Variants in ACAD10 observed in about 807,000 individuals in gnomAD.
ACAD10 encodes acyl-CoA dehydrogenase family member 10.
A neutral mutation model predicts 116.8 loss-of-function variants in ACAD10; 112 were observed. That is an observed-to-expected ratio of 0.96 (90% CI 0.82 to 1.12). The LOEUF (loss-of-function observed/expected upper bound fraction) is 1.12. ACAD10 is among the 50% of genes most tolerant of loss of function. The probability of loss-of-function intolerance (pLI) is 0.00; values close to 1 mark genes in which losing one functional copy is unlikely to be tolerated. For synonymous variants in ACAD10, 486 were observed against 510.6 expected, an observed-to-expected ratio of 0.95 and a Z score of 0.65; for missense variants, 1,259 against 1,350.2, an observed-to-expected ratio of 0.93 and a Z score of 1.06.
rs755470714 is a variant in ACAD10 at position 111,744,836 on chromosome 12, T to C, written c.1908T>C (p.Tyr636=). ...GGTGCCCCACAGGCAGCAGGAGTTA[T>C]AGCTCCGTTCCAGAAGCTTCCCCAG... ...SQWCPTGSRS[Y]SSVPEASPAH... The change falls in exon 13 of 21, where the codon TAT becomes TAC. Residue 636 remains tyrosine, a synonymous_variant. Transcript: ENST00000313698. The C allele has an allele frequency of 5.0e-6, 8 of 1,614,120 alleles. No homozygotes were observed. Among genetic ancestry groups the C allele is most frequent in the African/African-American group, 1.3e-5 (1 of 74,952 alleles).
In ACAD10 at chr12:111,744,893, T is replaced by C; in HGVS notation, c.1965T>C (p.Ser655=). The change falls in exon 13 of 21, where the codon TCT becomes TCC. Residue 655 remains serine (S), a synonymous_variant. Coordinates refer to ENST00000313698, the MANE Select transcript of ACAD10 (RefSeq NM_025247.6). ...CCTCAAGGGGAGGTCTGGTTATCTCTCCAGAGAGCCTCTCTCCACCTGTCA... is the reference window on the plus strand; with the variant it reads ...CCTCAAGGGGAGGTCTGGTTATCTCCCCAGAGAGCCTCTCTCCACCTGTCA... ...AHTSRGGLVI[S]PESLSPPVRE... 1.2e-6 allele frequency: 2 copies of C among 1,614,034 alleles called. No homozygotes were observed. Among genetic ancestry groups the C allele is most frequent in the South Asian group, 2.2e-5 (2 of 91,080 alleles).
chr12:111,697,475 C>T (rs1185995036), intron 2 of ACAD10, among the ~76,000 whole-genome samples: 1 of 150,950 alleles, frequency 6.6e-6, no homozygotes, highest in Non-Finnish European at 1.5e-5. Context: ...ATTCTCGTGC[C>T]TCAGCCTCCC....
chr12:111,705,404 A>T lies in ACAD10; in HGVS notation c.337-334A>T, dbSNP rs545375965. Among the ~76,000 whole-genome samples the T allele has an allele frequency of 1.3e-4, 19 of 151,870 alleles. No individual in the cohort carries two copies. In the South Asian group the frequency reaches 1.7e-3, roughly 13 times the overall value. On this transcript the variant is annotated intron_variant, in intron 3 of 20. Transcript: ENST00000313698. Reference sequence around the variant, plus strand: ...CCAAGCCTAGCTAAGTTAAAAAAAAATTTTTTTTAGATCTCACTTTGTTGC... The same window carrying T: ...CCAAGCCTAGCTAAGTTAAAAAAAATTTTTTTTTAGATCTCACTTTGTTGC...
intron 20 of ACAD10, 69 bp from the exon 21 acceptor site, chr12:111,756,264 T>A (rs1415192082): frequency 4.0e-6 from 6 of 1,502,656 alleles, no homozygotes; most frequent in Middle Eastern, 2.3e-4. Flanking sequence ...AAGAGCAGGC[T>A]ATCATTCCTG....
intron 12 of ACAD10, among the ~76,000 whole-genome samples, chr12:111,738,257 C>T (rs1211889893): frequency 6.6e-6 from 1 of 152,002 alleles, no homozygotes; most frequent in Admixed American, 6.6e-5. Flanking sequence ...TCCAGCCTAC[C>T]CAACATGGTG....
At chr12:111,745,924 C>T (rs1253984497) in intron 13 of ACAD10, among the ~76,000 whole-genome samples, 1 of 143,274 alleles carries the variant, frequency 7.0e-6, no homozygotes, top group Non-Finnish European at 1.5e-5. Flanking sequence ...TCACTGCAGT[C>T]TCAACCTCCT....
intron 10 of ACAD10, among the ~76,000 whole-genome samples, chr12:111,732,147 C>T (rs1297094914): frequency 1.3e-5 from 2 of 152,116 alleles, no homozygotes; most frequent in African/African-American, 4.8e-5. Flanking sequence ...TACAACCCAT[C>T]GTTTCTTGTA....
chr12:111,698,259 A>G (rs757571437), intron 2 of ACAD10, among the ~76,000 whole-genome samples: 8 of 149,334 alleles, frequency 5.4e-5, no homozygotes, highest in Admixed American at 5.3e-4. Context: ...CAGGGTTCCA[A>G]AGTGCTGGGA....
intron 12 of ACAD10, among the ~76,000 whole-genome samples, chr12:111,738,048 G>A (rs2135982471): frequency 6.6e-6 from 1 of 151,858 alleles, no homozygotes; most frequent in South Asian, 2.1e-4. Flanking sequence ...GTAGAGATGG[G>A]GTTTTGCCAT....
chr12:111,696,126 A>G (rs907707479), intron 2 of ACAD10, among the ~76,000 whole-genome samples: 5 of 151,844 alleles, frequency 3.3e-5, no homozygotes, highest in African/African-American at 9.7e-5. Context: ...CAGTGGTACA[A>G]TCATGGCTCA....
At chr12:111,702,908 A>T (rs930433238) in intron 3 of ACAD10, among the ~76,000 whole-genome samples, 1 of 151,918 alleles carries the variant, frequency 6.6e-6, no homozygotes, top group African/African-American at 2.4e-5. Context: ...AGCTTAGGCA[A>T]CATAGCCAGA....
chr12:111,756,371 G>A lies in ACAD10; in HGVS notation c.3078G>A (p.Leu1026=), dbSNP rs1273209850. ...CAGGCCTGAGCAGCGACTACCCACT[G>A]GCTCAGTTCTTCACCTGGGCCCGAG... ...GAAGLSSDYP[L]AQFFTWARAL... is the part of the protein sequence containing the mutation. Residue 1026 remains leucine, a synonymous_variant, in exon 21 of 21, where the codon CTG becomes CTA. Transcript: ENST00000313698. 6.2e-7 allele frequency: 1 copy of A among 1,611,292 alleles called. No homozygotes were observed. Among genetic ancestry groups the A allele is most frequent in the African/African-American group, 1.3e-5 (1 of 74,904 alleles).
At chr12:111,723,455 G>C (rs1889100031) in intron 8 of ACAD10, among the ~76,000 whole-genome samples, 1 of 138,812 alleles carries the variant, frequency 7.2e-6, no homozygotes. Flanking sequence ...GGGGCAGCTG[G>C]CCGGGCGGGG....
rs774827821 is a variant in ACAD10, at chr12:111,755,665, C to G, written c.2962-3C>G. On this transcript the variant is annotated splice_region_variant and splice_polypyrimidine_tract_variant and intron_variant, in intron 19 of 20. Coordinates refer to ENST00000313698, the MANE Select transcript of ACAD10 (RefSeq NM_025247.6). Reference sequence around the variant, plus strand: ...TTATGATCGCATCTCCTCCTCCTTACAGGCTGCAGCCTTGGATATAGCCAT... The same window carrying G: ...TTATGATCGCATCTCCTCCTCCTTAGAGGCTGCAGCCTTGGATATAGCCAT... 3.1e-6 allele frequency: 5 copies of G among 1,613,508 alleles called. No individual in the cohort carries two copies. The highest frequency in any genetic ancestry group is 8.5e-7 in the Non-Finnish European group (1 of 1,179,708).
In ACAD10 at chr12:111,755,735, G is replaced by C. The variant is rs771262355; in HGVS notation, c.3029G>C (p.Arg1010Pro). Residue 1010 changes from arginine to proline, a missense_variant, in exon 20 of 21, where the codon CGT becomes CCT. Coordinates refer to ENST00000313698, the MANE Select transcript of ACAD10 (RefSeq NM_025247.6). ...APSMASRVID[R>P]AIQAFGAAGL... Reference sequence around the variant, plus strand: ...TCCATGGCCTCCCGAGTGATTGATCGTGCGATTCAGGTGAGCACAGACCAG... The same window carrying C: ...TCCATGGCCTCCCGAGTGATTGATCCTGCGATTCAGGTGAGCACAGACCAG... 6.2e-7 allele frequency: 1 copy of C among 1,613,618 alleles called. No homozygotes were observed. Among genetic ancestry groups the C allele is most frequent in the Non-Finnish European group, 8.5e-7 (1 of 1,179,876 alleles).
At chr12:111,690,363 CAA>C (rs1888000797) in intron 1 of ACAD10, 1 of 152,010 alleles carries the variant, frequency 6.6e-6, no homozygotes, top group Non-Finnish European at 1.5e-5. Context: ...GTGCATGAAA[CAA>C]AGTTTGTGTT....
At chr12:111,741,729 A>G (rs1234256331) in intron 12 of ACAD10, among the ~76,000 whole-genome samples, 3 of 152,248 alleles carry the variant, frequency 2.0e-5, no homozygotes, top group Non-Finnish European at 4.4e-5. Flanking sequence ...GAATGGGGAA[A>G]AAACCAACTA....
intron 18 of ACAD10, chr12:111,749,572 G>A (rs1425438582): frequency 2.1e-5 from 12 of 577,858 alleles, no homozygotes; most frequent in East Asian, 5.9e-5. Flanking sequence ...GAAGGGAAAC[G>A]CCAGGCTCTG....
At chr12:111,727,115 A>G (rs754876740) in intron 8 of ACAD10, among the ~76,000 whole-genome samples, 19 of 151,916 alleles carry the variant, frequency 1.3e-4, no homozygotes, top group African/African-American at 4.6e-4. Context: ...AGTCCCAACT[A>G]TTTGGGAGGC....
Sources: gnomAD v4.1 joint callset for allele counts (sites outside exome capture counted in the v4.1 genomes callset) on GRCh38, gnomAD v4.1.1 for gene constraint, MANE v1.5 for transcripts, NCBI Gene and HGNC (gene_info 2026-07-23, HGNC 2026-07-21) for gene names.